The following AGMO variants were observed in gnomAD, a reference collection of about 807,000 sequenced individuals.
AGMO encodes the protein alkylglycerol monooxygenase, also known as glyceryl-ether monooxygenase.
A neutral mutation model predicts 60.2 loss-of-function variants in AGMO; 75 were observed. The observed-to-expected ratio is 1.25, with a 90% confidence interval of 1.03 to 1.51. The LOEUF (loss-of-function observed/expected upper bound fraction) is 1.51, where lower values mean the gene tolerates loss of function less well. AGMO is among the 40% of genes most tolerant of loss of function. The pLI, the probability that AGMO is intolerant of heterozygous loss-of-function variation, is 0.00. For synonymous variants in AGMO, 261 were observed against 177.1 expected (o/e 1.47, Z -3.76); for missense variants, 763 against 525.5 (o/e 1.45, Z -4.42).
At position 15,401,639 on chromosome 7, in the gene AGMO, CACTT is replaced by C. The variant is rs372587594; in HGVS notation, c.610-7464_610-7461del. ...GAAAAGTCATAGGAATATTTATAAC[CACTT>C]ACTTTTCAGAAAGAAGGCATGCATC... On this transcript the variant is annotated intron_variant, in intron 5 of 12. Coordinates refer to ENST00000342526, the MANE Select transcript of AGMO (RefSeq NM_001004320.2). 7.7e-4 allele frequency among the ~76,000 whole-genome samples: 117 copies of C among 152,058 alleles called. 2 individuals carry two copies. The South Asian group carries it at 0.022, about 29-fold the overall frequency.
rs192116109 is a variant in AGMO, at chr7:15,390,617, A to G, written c.822+54T>C. On this transcript the variant is annotated intron_variant, in intron 8 of 12. Transcript: ENST00000342526. ...TCTACAGCTGATTTTTCTCTTAACT[A>G]TAAGATTTATGAAATGATATAAATG... 3.2e-4 allele frequency: 435 copies of G among 1,367,916 alleles called. 5 individuals carry two copies. The East Asian group carries it at 7.0e-3, about 22-fold the overall frequency. 84.7% of individuals were successfully genotyped at this position (1,367,916 alleles called of 1,614,324 possible). A position where few individuals can be genotyped will look rare whatever the true frequency, so the allele number is the denominator to read the frequency against.
At chr7:15,237,342 T>G (rs1161957336) in intron 12 of AGMO, among the ~76,000 whole-genome samples, 2 of 152,150 alleles carry the variant, frequency 1.3e-5, no homozygotes, top group African/African-American at 4.8e-5. Flanking sequence ...CAAAGGAAGG[T>G]AAGAAGCTCA....
intron 3 of AGMO, among the ~76,000 whole-genome samples, chr7:15,475,697 A>C (rs570994841): frequency 1.3e-5 from 2 of 152,178 alleles, no homozygotes; most frequent in East Asian, 3.9e-4. Context: ...TTTAAAAAAA[A>C]AGAAAAAGAA....
chr7:15,167,507 T>C, the AGMO span, among the ~76,000 whole-genome samples: 2 of 152,172 alleles, frequency 1.3e-5, no homozygotes, highest in African/African-American at 4.8e-5. Flanking sequence ...GCTTTGGCAA[T>C]TACAACCTCC....
chr7:15,136,749 ATGTG>A, the AGMO span, among the ~76,000 whole-genome samples: 2 of 150,540 alleles, frequency 1.3e-5, no homozygotes, highest in East Asian at 3.9e-4. Context: ...TGTGATGTGT[ATGTG>A]TGTGTGTGTG....
intron 12 of AGMO, among the ~76,000 whole-genome samples, chr7:15,337,831 A>G (rs985952172): frequency 1.3e-5 from 2 of 152,174 alleles, no homozygotes; most frequent in Non-Finnish European, 2.9e-5. Flanking sequence ...AGGGGCAGAT[A>G]TATTAGGCAC....
At chr7:15,352,117 G>A (rs1057373566) in intron 12 of AGMO, among the ~76,000 whole-genome samples, 2 of 152,134 alleles carry the variant, frequency 1.3e-5, no homozygotes, top group South Asian at 2.1e-4. Flanking sequence ...ATAGCAAGAA[G>A]ACCTCTATTT....
At chr7:15,409,614 T>C (rs1028538046) in intron 5 of AGMO, among the ~76,000 whole-genome samples, 1 of 151,962 alleles carries the variant, frequency 6.6e-6, no homozygotes, top group African/African-American at 2.4e-5. Context: ...GCCCCATTAC[T>C]GAATTCATTC....
Position 15,383,443 on chromosome 7 carries a change from C to T in AGMO, c.1074+2003G>A, listed in dbSNP as rs576703884. ...AAAAAAACAATAAAAAAAAGTCCCA[C>T]CTAACACTCCTGCCTAAAAGTCCTG... On this transcript the variant is annotated intron_variant, in intron 10 of 12. Transcript: ENST00000342526. Among the ~76,000 whole-genome samples, 16 of 152,154 alleles carry T rather than the reference C, an allele frequency of 1.1e-4. No homozygotes were observed. In the South Asian group the frequency reaches 2.9e-3, roughly 28 times the overall value.
chr7:15,538,351 G>C (rs1187891449), intron 3 of AGMO, among the ~76,000 whole-genome samples: 1 of 152,068 alleles, frequency 6.6e-6, no homozygotes, highest in East Asian at 1.9e-4. Context: ...TACTGCCTCA[G>C]CCTTCTGAGC....
At chr7:15,493,322 A>G (rs1783119635) in intron 3 of AGMO, among the ~76,000 whole-genome samples, 1 of 129,758 alleles carries the variant, frequency 7.7e-6, no homozygotes, top group Non-Finnish European at 1.6e-5. Context: ...ACACACGCGC[A>G]CAAACACACA....
intron 3 of AGMO, among the ~76,000 whole-genome samples, chr7:15,504,939 T>C (rs2128527015): frequency 6.6e-6 from 1 of 152,104 alleles, no homozygotes. Context: ...TTAGTTATCA[T>C]ACTATAAAAT....
chr7:15,297,930 AT>A (rs1371193872), intron 12 of AGMO, among the ~76,000 whole-genome samples: 1 of 152,198 alleles, frequency 6.6e-6, no homozygotes, highest in Non-Finnish European at 1.5e-5. Flanking sequence ...ATTACAAAGA[AT>A]GCTGAATTCA....
At chr7:15,394,493 A>C (rs953127109) in intron 5 of AGMO, among the ~76,000 whole-genome samples, 1 of 152,128 alleles carries the variant, frequency 6.6e-6, no homozygotes, top group African/African-American at 2.4e-5. Context: ...TCATATCTCA[A>C]TTTTCTCATC....
At chr7:15,515,967 C>T (rs1408670955) in intron 3 of AGMO, among the ~76,000 whole-genome samples, 1 of 152,076 alleles carries the variant, frequency 6.6e-6, no homozygotes, top group Admixed American at 6.6e-5. Context: ...ATCGATCGTA[C>T]ACCATGGTGA....
chr7:15,305,431 G>A (rs1012130897), intron 12 of AGMO, among the ~76,000 whole-genome samples: 5 of 151,958 alleles, frequency 3.3e-5, no homozygotes, highest in Non-Finnish European at 7.4e-5. Context: ...GTTCACTGGT[G>A]AAACATGAAT....
At chr7:15,424,306 G>A (rs903245649) in intron 4 of AGMO, among the ~76,000 whole-genome samples, 1 of 152,004 alleles carries the variant, frequency 6.6e-6, no homozygotes, top group Non-Finnish European at 1.5e-5. Context: ...GACTGGCCCT[G>A]CTAGTCAAAA....
chr7:15,464,786 A>G (rs1172202895), intron 3 of AGMO, among the ~76,000 whole-genome samples: 1 of 152,228 alleles, frequency 6.6e-6, no homozygotes, highest in Non-Finnish European at 1.5e-5. Flanking sequence ...AAGTCTGACT[A>G]GAAAAGAATA....
At chr7:15,213,549 G>A (rs937346581) in intron 12 of AGMO, among the ~76,000 whole-genome samples, 5 of 151,816 alleles carry the variant, frequency 3.3e-5, no homozygotes, top group African/African-American at 4.8e-5. Flanking sequence ...GCACAATAAT[G>A]TAATTGAACA....
Sources: gnomAD v4.1 joint callset for allele counts (sites outside exome capture counted in the v4.1 genomes callset) on GRCh38, gnomAD v4.1.1 for gene constraint, MANE v1.5 for transcripts, NCBI Gene and HGNC (gene_info 2026-07-23, HGNC 2026-07-21) for gene names.